Variants in BLTP1 observed in about 807,000 individuals in gnomAD.
BLTP1 encodes bridge-like lipid transfer protein family member 1, also known as fragile site-associated protein.
At chr4:122,235,325 C>A in the BLTP1 span, 2 of 981,660 alleles carry the variant, frequency 2.0e-6, no homozygotes, top group African/African-American at 1.7e-5. Context: ...AGCACAGCAT[C>A]CAGATAAATA....
the BLTP1 span, chr4:122,155,964 AC>A: frequency 1.0e-6 from 1 of 959,014 alleles, no homozygotes; most frequent in Non-Finnish European, 1.2e-6. Flanking sequence ...GTTTCTAGCC[AC>A]CATCATCTTT....
the BLTP1 span, among the ~76,000 whole-genome samples, chr4:122,351,708 C>T: frequency 6.6e-6 from 1 of 152,084 alleles, no homozygotes; most frequent in Non-Finnish European, 1.5e-5. Flanking sequence ...TTCCTGTAGT[C>T]CATGTATTTC....
the BLTP1 span, among the ~76,000 whole-genome samples, chr4:122,223,325 C>T: frequency 6.6e-6 from 1 of 152,206 alleles, no homozygotes; most frequent in Middle Eastern, 3.4e-3. Context: ...CCTAGACATA[C>T]ATGAAGAGGA....
At chr4:122,239,816 G>A in the BLTP1 span, 1 of 1,614,150 alleles carries the variant, frequency 6.2e-7, no homozygotes, top group Non-Finnish European at 8.5e-7. Flanking sequence ...CATTTCATCA[G>A]TATCGATCAA....
chr4:122,251,769 C>A, the BLTP1 span: 1 of 229,298 alleles, frequency 4.4e-6, no homozygotes, highest in Non-Finnish European at 7.2e-6. Context: ...ATTTTTTCTT[C>A]TTCTTAAATG....
chr4:122,161,176 T>G, the BLTP1 span: 1 of 965,214 alleles, frequency 1.0e-6, no homozygotes, highest in East Asian at 1.1e-4. Context: ...CAGAAGACTT[T>G]AATATAATGG....
chr4:122,333,956 C>A, the BLTP1 span: 1 of 996,836 alleles, frequency 1.0e-6, no homozygotes, highest in Non-Finnish European at 1.4e-6. Flanking sequence ...GACAGAAGAA[C>A]ATCAAAACTG....
chr4:122,232,815 A>G, the BLTP1 span, among the ~76,000 whole-genome samples: 1 of 152,200 alleles, frequency 6.6e-6, no homozygotes, highest in East Asian at 1.9e-4. Context: ...GCCTGGACAG[A>G]GCTTGCATTC....
At chr4:122,255,372 T>C in the BLTP1 span, 2 of 932,656 alleles carry the variant, frequency 2.1e-6, no homozygotes, top group Non-Finnish European at 3.4e-6. Flanking sequence ...CATGTGAGAA[T>C]GGTTAGAAAT....
the BLTP1 span, among the ~76,000 whole-genome samples, chr4:122,260,865 T>C: frequency 9.2e-5 from 14 of 152,150 alleles, no homozygotes; most frequent in South Asian, 2.1e-4. Context: ...TACACTGATA[T>C]AGATGCATAC....
the BLTP1 span, chr4:122,356,137 G>T: frequency 1.7e-6 from 1 of 602,698 alleles, no homozygotes; most frequent in Non-Finnish European, 2.8e-6. Flanking sequence ...TCAGCTATAT[G>T]ACCTCTGGAA....
the BLTP1 span, among the ~76,000 whole-genome samples, chr4:122,213,816 A>G: frequency 6.6e-6 from 1 of 152,218 alleles, no homozygotes; most frequent in East Asian, 1.9e-4. Context: ...CATTTCAGTC[A>G]TATTAAAACT....
chr4:122,166,070 T>G, the BLTP1 span, among the ~76,000 whole-genome samples: 6,046 of 152,204 alleles, frequency 0.04, 162 homozygotes, highest in East Asian at 0.14. Flanking sequence ...AGAAGCTCTT[T>G]AGTTTAATTA....
the BLTP1 span, chr4:122,262,988 G>A: frequency 2.8e-5 from 45 of 1,611,946 alleles, no homozygotes; most frequent in African/African-American, 5.1e-4. Flanking sequence ...GAACAGGTAC[G>A]TCCTCTAGAT....
At chr4:122,274,782 C>A in the BLTP1 span, 1 of 210,380 alleles carries the variant, frequency 4.8e-6, no homozygotes, top group Non-Finnish European at 8.2e-6. Context: ...ACACATCCAA[C>A]ATGACTAAAT....
chr4:122,235,530 G>T, the BLTP1 span: 1 of 968,840 alleles, frequency 1.0e-6, no homozygotes, highest in Non-Finnish European at 1.2e-6. Context: ...CTCTGGCCGG[G>T]CGTGGTGGCT....
chr4:122,288,566 C>T, the BLTP1 span: 7 of 152,186 alleles, frequency 4.6e-5, no homozygotes, highest in African/African-American at 1.7e-4. Context: ...GCAGGAGAAT[C>T]GCTTGAACCC....
At chr4:122,320,403 C>T in the BLTP1 span, among the ~76,000 whole-genome samples, 4 of 152,060 alleles carry the variant, frequency 2.6e-5, no homozygotes, top group Middle Eastern at 3.4e-3. Context: ...CTCCTGCTTT[C>T]GACTCTCAAA....
the BLTP1 span, chr4:122,263,505 G>C: frequency 6.2e-7 from 1 of 1,612,778 alleles, no homozygotes; most frequent in Non-Finnish European, 8.5e-7. Context: ...TCATCTGTGA[G>C]TTTCTATAAT....
Sources: gnomAD v4.1 joint callset for allele counts (sites outside exome capture counted in the v4.1 genomes callset) on GRCh38, gnomAD v4.1.1 for gene constraint, MANE v1.5 for transcripts, NCBI Gene and HGNC (gene_info 2026-07-23, HGNC 2026-07-21) for gene names.